The following ITFG1 variants were observed in gnomAD, a reference collection of about 807,000 sequenced individuals.
ITFG1 encodes T-cell immunomodulatory protein.
Under a neutral mutation model 81.8 loss-of-function variants are expected in ITFG1, and 34 were observed. The ratio of observed to expected loss-of-function variants is 0.42; its 90% CI spans 0.32 to 0.55. The LOEUF is 0.55. ITFG1 is among the 20% of genes least tolerant of loss of function. The pLI, the probability that ITFG1 is intolerant of heterozygous loss-of-function variation, is 0.17. For missense variants in ITFG1, 672 were observed against 755.4 expected (o/e 0.89, Z 1.29); for synonymous variants, 285 against 270.6 (o/e 1.05, Z -0.52).
chr16:47,205,643 T>C (rs1965484374), intron 14 of ITFG1, among the ~76,000 whole-genome samples: 1 of 152,168 alleles, frequency 6.6e-6, no homozygotes, highest in Non-Finnish European at 1.5e-5. Context: ...GTTATCTAAC[T>C]ACAGGAAGTA....
intron 8 of ITFG1, among the ~76,000 whole-genome samples, chr16:47,326,660 A>G (rs1967549285): frequency 6.6e-6 from 1 of 152,206 alleles, no homozygotes; most frequent in South Asian, 2.1e-4. Context: ...AAAAATCACA[A>G]GCATTCTTAT....
intron 8 of ITFG1, among the ~76,000 whole-genome samples, chr16:47,346,580 G>C (rs1016941992): frequency 2.0e-5 from 3 of 152,086 alleles, no homozygotes; most frequent in African/African-American, 7.2e-5. Flanking sequence ...GAAGAAGCAG[G>C]CATTATAACT....
intron 8 of ITFG1, among the ~76,000 whole-genome samples, chr16:47,319,296 T>C (rs1307974473): frequency 6.6e-6 from 1 of 152,226 alleles, no homozygotes; most frequent in Non-Finnish European, 1.5e-5. Context: ...AAATTTTTGC[T>C]TGAAAGCTCA....
intron 8 of ITFG1, among the ~76,000 whole-genome samples, chr16:47,356,568 G>A (rs1393548620): frequency 1.3e-5 from 2 of 152,176 alleles, no homozygotes; most frequent in Non-Finnish European, 2.9e-5. Flanking sequence ...ATGGATTGCT[G>A]TGAATAAGTG....
rs9941094 is a variant in ITFG1 at position 47,349,343 on chromosome 16, C to A, written c.802+16445G>T. Among the ~76,000 whole-genome samples, 635 of 151,898 alleles carry A rather than the reference C, an allele frequency of 4.2e-3. 6 individuals carry two copies. The highest frequency in any genetic ancestry group is 0.015 in the African/African-American group (606 of 41,390). ...TCATGTGCAGAGACACACATAGGCT[C>A]AAAATAAAGGGATGGAGGAAGATCT... On this transcript the variant is annotated intron_variant, in intron 8 of 17. Transcript: ENST00000320640.
At chr16:47,357,247 A>G (rs1056891824) in intron 8 of ITFG1, among the ~76,000 whole-genome samples, 1 of 152,158 alleles carries the variant, frequency 6.6e-6, no homozygotes, top group Non-Finnish European at 1.5e-5. Context: ...ACATTATCCC[A>G]TAGCATTTTT....
intron 8 of ITFG1, among the ~76,000 whole-genome samples, chr16:47,352,615 G>A (rs945405161): frequency 3.9e-5 from 6 of 152,196 alleles, no homozygotes; most frequent in African/African-American, 9.7e-5. Flanking sequence ...TGGTGGGACC[G>A]TAAACTAGTT....
chr16:47,406,229 A>T (rs1041404960), intron 6 of ITFG1, among the ~76,000 whole-genome samples: 3 of 152,226 alleles, frequency 2.0e-5, no homozygotes, highest in African/African-American at 7.2e-5. Flanking sequence ...TTAAGGTTGG[A>T]GTGATTTAAT....
chr16:47,180,587 G>A (rs972714379), intron 14 of ITFG1, among the ~76,000 whole-genome samples: 1 of 152,182 alleles, frequency 6.6e-6, no homozygotes, highest in African/African-American at 2.4e-5. Flanking sequence ...GTTTCGCTGT[G>A]TTGGCCAGGC....
rs545263516 is a variant in ITFG1, at chr16:47,221,075, T to C, written c.1375-2129A>G. On this transcript the variant is annotated intron_variant, in intron 13 of 17. Coordinates refer to ENST00000320640, the MANE Select transcript of ITFG1 (RefSeq NM_030790.5). ...TGAAAATGAAGAGCCTACCAGGTAC[T>C]GGAGGGGGCAGAACAGGTTTAGAGC... Among the ~76,000 whole-genome samples, 103 of 152,244 alleles carry C rather than the reference T, an allele frequency of 6.8e-4. 1 individual carries two copies. Among genetic ancestry groups the C allele is most frequent in the African/African-American group, 2.4e-3 (98 of 41,550 alleles).
intron 10 of ITFG1, among the ~76,000 whole-genome samples, chr16:47,279,322 G>A (rs1315349318): frequency 1.3e-5 from 2 of 151,958 alleles, no homozygotes; most frequent in Non-Finnish European, 2.9e-5. Context: ...AAGATATGAT[G>A]TTTAGTCAAG....
At chr16:47,205,776 TTTAA>T (rs759346473) in intron 14 of ITFG1, among the ~76,000 whole-genome samples, 5 of 152,108 alleles carry the variant, frequency 3.3e-5, no homozygotes, top group Non-Finnish European at 7.4e-5. Context: ...TGCAATTCAG[TTTAA>T]TTAATCAGAG....
chr16:47,236,819 T>C (rs1965881034), intron 13 of ITFG1, among the ~76,000 whole-genome samples: 1 of 152,142 alleles, frequency 6.6e-6, no homozygotes, highest in African/African-American at 2.4e-5. Flanking sequence ...TGACGCCTCA[T>C]CCAGATCTTC....
At position 47,403,904 on chromosome 16, in the gene ITFG1, G is replaced by A. The variant is rs184976649; in HGVS notation, c.655+24900C>T. Among the ~76,000 whole-genome samples, 14 of 151,240 alleles carry A rather than the reference G, an allele frequency of 9.3e-5. No homozygotes were observed. In the East Asian group the frequency reaches 1.7e-3, roughly 19 times the overall value. ...ACCAGAACTGGTTAGGAACTGAGCC[G>A]CATGGCATCACCCTCAGAAGGGACC... On this transcript the variant is annotated intron_variant, in intron 6 of 17. Transcript: ENST00000320640.
chr16:47,381,604 C>T (rs1430402016), intron 6 of ITFG1, among the ~76,000 whole-genome samples: 1 of 152,114 alleles, frequency 6.6e-6, no homozygotes, highest in East Asian at 1.9e-4. Flanking sequence ...GGAGGCTATG[C>T]CAAGCTCATG....
At chr16:47,403,339 T>A (rs1968686601) in intron 6 of ITFG1, among the ~76,000 whole-genome samples, 1 of 152,016 alleles carries the variant, frequency 6.6e-6, no homozygotes, top group Non-Finnish European at 1.5e-5. Context: ...TATTATATTA[T>A]AATTGGCCCA....
intron 10 of ITFG1, among the ~76,000 whole-genome samples, chr16:47,266,094 T>C (rs1190843630): frequency 6.6e-6 from 1 of 152,120 alleles, no homozygotes; most frequent in Non-Finnish European, 1.5e-5. Flanking sequence ...TACGAAAATA[T>C]ATACGAACAG....
chr16:47,240,295 C>CAAAAAAA (rs565661862), intron 12 of ITFG1, among the ~76,000 whole-genome samples: 1 of 52,432 alleles, frequency 1.9e-5, no homozygotes, highest in Non-Finnish European at 3.9e-5. Flanking sequence ...GATCCTGTCT[C>CAAAAAAA]AAAAAAAAAA....
chr16:47,189,318 T>C (rs957570690), intron 14 of ITFG1, among the ~76,000 whole-genome samples: 4 of 152,200 alleles, frequency 2.6e-5, no homozygotes, highest in Middle Eastern at 3.4e-3. Flanking sequence ...TCCAGAATAT[T>C]TTCATTACCA....
Sources: gnomAD v4.1 joint callset for allele counts (sites outside exome capture counted in the v4.1 genomes callset) on GRCh38, gnomAD v4.1.1 for gene constraint, MANE v1.5 for transcripts, NCBI Gene and HGNC (gene_info 2026-07-23, HGNC 2026-07-21) for gene names.